The following DNAAF9 variants were observed in gnomAD, a reference collection of about 807,000 sequenced individuals.
The protein encoded by DNAAF9 is dynein axonemal assembly factor 9, also known as shulin.
In DNAAF9, 90 loss-of-function variants were observed where a neutral mutation model predicts 167.0. The observed-to-expected ratio is 0.54, with a 90% CI of 0.45 to 0.64. The LOEUF (loss-of-function observed/expected upper bound fraction) is 0.64, where lower values mean the gene tolerates loss of function less well. Among genes scored for constraint, DNAAF9 ranks in the 30% least tolerant of loss-of-function variants. DNAAF9 has a pLI of 0.00. For synonymous variants in DNAAF9, 491 were observed against 508.8 expected (o/e 0.96, Z 0.47); for missense variants, 1,315 against 1,442.2 (o/e 0.91, Z 1.43).
At chr20:3,348,141 T>C (rs1344143932) in intron 8 of DNAAF9, among the ~76,000 whole-genome samples, 1 of 152,132 alleles carries the variant, frequency 6.6e-6, no homozygotes, top group Non-Finnish European at 1.5e-5. Flanking sequence ...TCAGGTTTAC[T>C]CATGAGCCTG....
chr20:3,281,886 C>A, intron 27 of DNAAF9, 120 bp from the exon 28 acceptor site: 2 of 905,524 alleles, frequency 2.2e-6, no homozygotes, highest in Admixed American at 2.5e-5. Flanking sequence ...GAAGAGCCCG[C>A]AATCTGGTCC....
chr20:3,293,974 A>C (rs919951992), intron 25 of DNAAF9, among the ~76,000 whole-genome samples, 165 bp downstream of exon 25: 1 of 141,842 alleles, frequency 7.1e-6, no homozygotes, highest in African/African-American at 2.8e-5. Flanking sequence ...CATTGTATAC[A>C]GCAGGTTACA....
Position 3,264,702 on chromosome 20 carries a change from G to A in DNAAF9, c.2787-178C>T, listed in dbSNP as rs138501953. Among the ~76,000 whole-genome samples, 940 of 152,086 alleles carry A rather than the reference G, an allele frequency of 6.2e-3. 14 individuals carry two copies. The highest frequency in any genetic ancestry group is 0.021 in the African/African-American group (885 of 41,486). On this transcript the variant is annotated intron_variant, in intron 30 of 36. Coordinates refer to ENST00000252032, the MANE Select transcript of DNAAF9 (RefSeq NM_001009984.3). ...CTCCTGCCTCAGCCTCCTGAGTAGCGGGGACTACAGGCATGTGCCATCATA... is the reference window on the plus strand; with the variant it reads ...CTCCTGCCTCAGCCTCCTGAGTAGCAGGGACTACAGGCATGTGCCATCATA...
chr20:3,365,015 C>G (rs1209339238), intron 6 of DNAAF9, among the ~76,000 whole-genome samples: 1 of 151,260 alleles, frequency 6.6e-6, no homozygotes, highest in African/African-American at 2.4e-5. Flanking sequence ...ACAATCATAG[C>G]TCACTGCAGC....
At chr20:3,276,212 A>C (rs1200447895) in intron 29 of DNAAF9, among the ~76,000 whole-genome samples, 1 of 152,174 alleles carries the variant, frequency 6.6e-6, no homozygotes, top group Non-Finnish European at 1.5e-5. Flanking sequence ...CCTCCAAGCC[A>C]GCTACCAAAT....
intron 30 of DNAAF9, among the ~76,000 whole-genome samples, chr20:3,267,591 T>C (rs531968285): frequency 1.3e-5 from 2 of 151,360 alleles, no homozygotes; most frequent in South Asian, 2.1e-4. Flanking sequence ...CATTTGATCT[T>C]TGGGAGGCCG....
chr20:3,340,797 A>C, intron 9 of DNAAF9, 158 bp from the exon 10 acceptor site: 1 of 640,518 alleles, frequency 1.6e-6, no homozygotes, highest in South Asian at 1.8e-5. Flanking sequence ...GGCTGGTTGG[A>C]AACGGATGCC....
intron 29 of DNAAF9, among the ~76,000 whole-genome samples, chr20:3,273,253 TATACTG>T (rs2068624171): frequency 6.6e-6 from 1 of 152,216 alleles, no homozygotes; most frequent in Non-Finnish European, 1.5e-5. Context: ...ATGAACACTC[TATACTG>T]ATACTATTTA....
intron 8 of DNAAF9, 119 bp from the exon 9 acceptor site, chr20:3,343,850 T>C: frequency 1.5e-6 from 1 of 684,550 alleles, no homozygotes; most frequent in Non-Finnish European, 2.6e-6. Context: ...CGTGTGTGTG[T>C]GTGTGTGTGC....
intron 12 of DNAAF9, among the ~76,000 whole-genome samples, chr20:3,328,829 T>G (rs1357996973): frequency 6.6e-6 from 1 of 150,754 alleles, no homozygotes; most frequent in African/African-American, 2.4e-5. Context: ...TACGTATACA[T>G]ACACATACAC....
intron 20 of DNAAF9, chr20:3,307,093 T>C (rs1480954378): frequency 3.0e-6 from 3 of 985,122 alleles, no homozygotes; most frequent in Admixed American, 1.2e-4. Flanking sequence ...AAAGCACAGA[T>C]TGGAGAAGCT....
At chr20:3,343,781 A>G in intron 8 of DNAAF9, 50 bp from the exon 9 acceptor site, 1 of 1,445,408 alleles carries the variant, frequency 6.9e-7, no homozygotes, top group Non-Finnish European at 9.7e-7. Flanking sequence ...TTGGTAAAAC[A>G]GTCATAAAAC....
At chr20:3,329,607 C>T (rs1045466747) in intron 12 of DNAAF9, among the ~76,000 whole-genome samples, 1 of 152,130 alleles carries the variant, frequency 6.6e-6, no homozygotes, top group Non-Finnish European at 1.5e-5. Context: ...GTGGGCCCTG[C>T]CCTAGAAATT....
At chr20:3,377,891 C>T (rs2083597201) in intron 3 of DNAAF9, among the ~76,000 whole-genome samples, 1 of 152,164 alleles carries the variant, frequency 6.6e-6, no homozygotes. Flanking sequence ...TTGGAATGCC[C>T]TTGGCCAACA....
At chr20:3,292,886 A>G (rs972508585) in intron 25 of DNAAF9, among the ~76,000 whole-genome samples, 2 of 151,984 alleles carry the variant, frequency 1.3e-5, no homozygotes, top group African/African-American at 4.8e-5. Flanking sequence ...GGAGCTTGAG[A>G]CCATCCTGGC....
At chr20:3,358,565 C>T (rs1474330756) in intron 7 of DNAAF9, among the ~76,000 whole-genome samples, 1 of 152,192 alleles carries the variant, frequency 6.6e-6, no homozygotes, top group Admixed American at 6.5e-5. Flanking sequence ...GGATAACAGG[C>T]GTGAGCCACT....
chr20:3,361,847 G>A, intron 6 of DNAAF9: 1 of 1,446,274 alleles, frequency 6.9e-7, no homozygotes, highest in East Asian at 2.3e-5. Context: ...AATGTTGGGG[G>A]GAAGGGGAAG....
chr20:3,287,963 T>C (rs1011423437), intron 26 of DNAAF9, among the ~76,000 whole-genome samples, 173 bp from the exon 27 acceptor site: 8 of 152,120 alleles, frequency 5.3e-5, no homozygotes, highest in African/African-American at 1.7e-4. Flanking sequence ...ACTGGATGGG[T>C]TGGAAGCCCA....
intron 8 of DNAAF9, among the ~76,000 whole-genome samples, chr20:3,345,449 A>G (rs2070174840): frequency 6.6e-6 from 1 of 152,206 alleles, no homozygotes; most frequent in Non-Finnish European, 1.5e-5. Context: ...TGAGTTGACA[A>G]AGATACAAAA....
Sources: allele counts gnomAD v4.1 joint callset (sites outside exome capture counted in the v4.1 genomes callset), GRCh38; gene constraint gnomAD v4.1.1; transcripts MANE v1.5; gene names NCBI Gene and HGNC (gene_info 2026-07-23, HGNC 2026-07-21).